The following SHANK2 variants were observed in gnomAD, a reference collection of about 807,000 sequenced individuals.
SHANK2 encodes the protein SH3 and multiple ankyrin repeat domains protein 2.
A neutral mutation model predicts 133.7 loss-of-function variants in SHANK2; 43 were observed. That is an observed-to-expected ratio of 0.32 (90% CI 0.25 to 0.41). SHANK2 has a LOEUF of 0.41. SHANK2 is among the 10% of genes least tolerant of loss of function. The pLI is 1.00. For synonymous variants in SHANK2, 1,017 were observed against 952.8 expected (o/e 1.07, Z -1.24); for missense variants, 1,994 against 2,235.8 (o/e 0.89, Z 2.18).
chr11:71,147,068 C>T lies in SHANK2; in HGVS notation c.207+52G>A, dbSNP rs1555106821. The T allele has an allele frequency of 2.0e-6, 3 of 1,467,074 alleles. No individual in the cohort carries two copies. In the African/African-American group the frequency reaches 4.2e-5, roughly 20 times the overall value. 90.9% of individuals were successfully genotyped at this position (1,467,074 alleles called of 1,614,324 possible). A position where few individuals can be genotyped will look rare whatever the true frequency, so the allele number is the denominator to read the frequency against. On this transcript the variant is annotated intron_variant, in intron 3 of 25. Coordinates refer to ENST00000601538, the MANE Select transcript of SHANK2 (RefSeq NM_012309.5). ...CCAGAGCAGGCCTCTGGCGTTCAAGCCACAGGTGACATTGTCCAGATGTGA... is the reference window on the plus strand; with the variant it reads ...CCAGAGCAGGCCTCTGGCGTTCAAGTCACAGGTGACATTGTCCAGATGTGA...
chr11:70,751,708 A>T (rs565029104), intron 14 of SHANK2, among the ~76,000 whole-genome samples: 3 of 152,218 alleles, frequency 2.0e-5, no homozygotes, highest in Non-Finnish European at 4.4e-5. Flanking sequence ...GGTTTAATAC[A>T]CGTGATAGCT....
chr11:70,954,235 T>C (rs2135909418), intron 10 of SHANK2, among the ~76,000 whole-genome samples: 1 of 152,322 alleles, frequency 6.6e-6, no homozygotes, highest in East Asian at 1.9e-4. Flanking sequence ...GAAAGCCACC[T>C]GGAGGGAAGA....
intron 14 of SHANK2, among the ~76,000 whole-genome samples, chr11:70,740,748 G>C (rs1274220628): frequency 5.3e-5 from 8 of 152,200 alleles, no homozygotes; most frequent in Non-Finnish European, 1.5e-5. Context: ...AGCGTCAGCT[G>C]GCACAGCCTG....
intron 21 of SHANK2, among the ~76,000 whole-genome samples, chr11:70,499,265 C>T (rs1468730296): frequency 1.3e-5 from 2 of 152,246 alleles, no homozygotes; most frequent in African/African-American, 4.8e-5. Flanking sequence ...GGCTGCTGGT[C>T]CCTTTGGGGT....
chr11:71,221,844 C>T (rs1250734453), intron 2 of SHANK2, among the ~76,000 whole-genome samples: 2 of 152,066 alleles, frequency 1.3e-5, no homozygotes, highest in Non-Finnish European at 1.5e-5. Context: ...TGTAAAATGA[C>T]GCTGCAGCCA....
At chr11:70,693,250 GC>G (rs1467023649) in intron 15 of SHANK2, among the ~76,000 whole-genome samples, 3 of 152,138 alleles carry the variant, frequency 2.0e-5, no homozygotes, top group Non-Finnish European at 4.4e-5. Context: ...TGTCTCTTCT[GC>G]CTAACGCCCT....
At chr11:70,788,305 C>T (rs1320237368) in intron 14 of SHANK2, among the ~76,000 whole-genome samples, 1 of 152,198 alleles carries the variant, frequency 6.6e-6, no homozygotes, top group Non-Finnish European at 1.5e-5. Context: ...CAGCAGCTTC[C>T]CTTTATCCAT....
At chr11:71,120,542 C>T (rs1377075634) in intron 3 of SHANK2, among the ~76,000 whole-genome samples, 5 of 152,156 alleles carry the variant, frequency 3.3e-5, no homozygotes, top group African/African-American at 1.2e-4. Context: ...CCAGAGTCCT[C>T]CCTGCCAGGA....
intron 3 of SHANK2, among the ~76,000 whole-genome samples, chr11:71,132,767 C>G (rs1188004365): frequency 6.6e-6 from 1 of 152,228 alleles, no homozygotes; most frequent in East Asian, 1.9e-4. Context: ...CAAGGCTTGA[C>G]TTTCCATGGC....
chr11:71,172,845 C>T (rs1475570147), intron 2 of SHANK2, among the ~76,000 whole-genome samples: 1 of 152,238 alleles, frequency 6.6e-6, no homozygotes, highest in East Asian at 1.9e-4. Context: ...CACGCCAGGG[C>T]AGGCAATGGC....
chr11:70,620,706 G>A (rs896890814), intron 17 of SHANK2, among the ~76,000 whole-genome samples: 5 of 152,208 alleles, frequency 3.3e-5, no homozygotes, highest in African/African-American at 2.4e-5. Context: ...GTTATACGAG[G>A]TCATAAGGGT....
At chr11:70,836,448 A>G (rs1464355407) in intron 11 of SHANK2, among the ~76,000 whole-genome samples, 2 of 152,208 alleles carry the variant, frequency 1.3e-5, no homozygotes, top group African/African-American at 4.8e-5. Flanking sequence ...CAACGTTTAC[A>G]AAGTGCCAGG....
In SHANK2 at chr11:70,471,728, C is replaced by G. The variant is rs1555148587; in HGVS notation, c.*1141G>C. On this transcript the variant is annotated 3_prime_UTR_variant, in exon 26 of 26. Transcript: ENST00000601538. This position sits in a 1 kb window ranked among gnomAD's most constrained non-coding sequence, Gnocchi z 4.1. ...GAAAAGCCTCTAAGTACCATCTTCC[C>G]TGGCCTCCGAGAGCAAAAGGACTGT... 4.1e-6 allele frequency: 1 copy of G among 242,018 alleles called. No individual in the cohort carries two copies. The highest frequency in any genetic ancestry group is 5.6e-5 in the Admixed American group (1 of 17,906). The allele number at this position is 242,018 out of a possible 1,614,324, so 15.0% of individuals were successfully genotyped here.
rs922951408 is a variant in SHANK2, at chr11:70,640,683, C to T, written c.2061+19145G>A. On this transcript the variant is annotated intron_variant, in intron 17 of 25. Coordinates refer to ENST00000601538, the MANE Select transcript of SHANK2 (RefSeq NM_012309.5). The stretch of plus-strand genomic sequence containing the variant: ...CAGGGGAGGGCTGGGGTAGGAGGGG[C>T]GCATGCCCAGTCAGGATCCCTCCCT... Among the ~76,000 whole-genome samples the T allele has an allele frequency of 4.6e-5, 7 of 152,220 alleles. No homozygotes were observed. The South Asian group carries it at 1.0e-3, about 23-fold the overall frequency.
chr11:70,500,721 T>C lies in SHANK2; in HGVS notation c.2288-131A>G, dbSNP rs1555158266. ...CGGCAATGGGGCGGCAGGCAGGGGC[T>C]GTCTGGAACGCTGCGAACGCAGGCT... On this transcript the variant is annotated intron_variant, in intron 20 of 25. Coordinates refer to ENST00000601538, the MANE Select transcript of SHANK2 (RefSeq NM_012309.5). The surrounding 1 kb of genome is among the most constrained non-coding windows in gnomAD (Gnocchi z 4.5). 4 of 1,236,070 alleles carry C rather than the reference T, an allele frequency of 3.2e-6. No individual in the cohort carries two copies. 76.6% of individuals were successfully genotyped at this position (1,236,070 alleles called of 1,614,324 possible). A position where few individuals can be genotyped will look rare whatever the true frequency, so the allele number is the denominator to read the frequency against.
chr11:71,173,048 C>T (rs1234839936), intron 2 of SHANK2, among the ~76,000 whole-genome samples: 4 of 152,250 alleles, frequency 2.6e-5, no homozygotes, highest in South Asian at 2.1e-4. Context: ...TGTGCCCTGT[C>T]GTCTCTTAGC....
chr11:70,572,775 G>A (rs1411443228), intron 17 of SHANK2, among the ~76,000 whole-genome samples: 3 of 152,162 alleles, frequency 2.0e-5, no homozygotes, highest in African/African-American at 4.8e-5. Context: ...GCCCAGGAGA[G>A]GCTGACCCGC....
At chr11:70,884,246 G>A (rs1398752255) in intron 11 of SHANK2, among the ~76,000 whole-genome samples, 2 of 152,214 alleles carry the variant, frequency 1.3e-5, no homozygotes, top group East Asian at 1.9e-4. Flanking sequence ...CTCACACGTG[G>A]TGGGCAGGGG....
intron 17 of SHANK2, among the ~76,000 whole-genome samples, chr11:70,527,131 C>T (rs577580736): frequency 6.6e-6 from 1 of 152,360 alleles, no homozygotes; most frequent in South Asian, 2.1e-4. Flanking sequence ...TCTGATTCCA[C>T]AGCTGTGGTC....
Sources: gnomAD v4.1 joint callset for allele counts (sites outside exome capture counted in the v4.1 genomes callset) on GRCh38, gnomAD v4.1.1 for gene constraint, Gnocchi (gnomAD v3.1) non-coding constraint, MANE v1.5 for transcripts, NCBI Gene and HGNC (gene_info 2026-07-23, HGNC 2026-07-21) for gene names.